Variants in MRPS28 observed in about 807,000 individuals in gnomAD.
The protein encoded by MRPS28 is mitochondrial ribosomal protein S28.
Under a neutral mutation model 10.8 loss-of-function variants are expected in MRPS28, and 7 were observed. The ratio of observed to expected loss-of-function variants is 0.65; its 90% CI spans 0.37 to 1.22. The LOEUF is 1.22. Ranked by LOEUF, MRPS28 falls within the 50% of genes most tolerant of loss-of-function variation. MRPS28 has a pLI of 0.02. For missense variants in MRPS28, 265 were observed against 232.9 expected (o/e 1.14, Z -0.90); for synonymous variants, 121 against 93.3 (o/e 1.30, Z -1.71).
chr8:80,025,983 T>C (rs2130254819), intron 1 of MRPS28, among the ~76,000 whole-genome samples: 2 of 152,296 alleles, frequency 1.3e-5, no homozygotes, highest in African/African-American at 4.8e-5. Context: ...CAGCTATGCA[T>C]AAAAAACACA....
At chr8:79,967,025 C>A (rs894331634) in intron 2 of MRPS28, among the ~76,000 whole-genome samples, 1 of 152,112 alleles carries the variant, frequency 6.6e-6, no homozygotes, top group African/African-American at 2.4e-5. Context: ...TAAAAGCAAT[C>A]TTGATTTGAG....
intron 2 of MRPS28, among the ~76,000 whole-genome samples, chr8:79,982,003 T>TG (rs200036089): frequency 0.016 from 2,391 of 152,182 alleles, 58 homozygotes; most frequent in African/African-American, 0.052. Context: ...CCCAGCACTT[T>TG]GGGGGGGCCA....
rs780247524 is a variant in MRPS28, at chr8:79,931,635, G to C, written c.396-12487C>G. Among the ~76,000 whole-genome samples, 3 of 152,236 alleles carry C rather than the reference G, an allele frequency of 2.0e-5. No homozygotes were observed. The South Asian group carries it at 6.2e-4, about 32-fold the overall frequency. On this transcript the variant is annotated intron_variant, in intron 2 of 2. Coordinates refer to ENST00000276585, the MANE Select transcript of MRPS28 (RefSeq NM_014018.3). The stretch of plus-strand genomic sequence containing the variant: ...ATTGTAGGAAATAATGCATATAAAA[G>C]ACTTAGTAAATCCTCAATGAAAGTC...
intron 2 of MRPS28, among the ~76,000 whole-genome samples, chr8:79,939,326 C>T (rs906302847): frequency 1.3e-5 from 2 of 152,126 alleles, no homozygotes; most frequent in African/African-American, 4.8e-5. Flanking sequence ...ATCAATCAGC[C>T]CATTATTTAA....
At chr8:79,923,227 T>C (rs2129853630) in intron 2 of MRPS28, among the ~76,000 whole-genome samples, 1 of 152,328 alleles carries the variant, frequency 6.6e-6, no homozygotes, top group Admixed American at 6.5e-5. Context: ...AGAAAAATTA[T>C]GGTACACGGA....
At chr8:80,007,465 A>G (rs1239244442) in intron 1 of MRPS28, among the ~76,000 whole-genome samples, 1 of 152,180 alleles carries the variant, frequency 6.6e-6, no homozygotes, top group East Asian at 1.9e-4. Flanking sequence ...TCAATTAGGA[A>G]AAGAGGAAGT....
At chr8:80,027,982 C>T (rs1586106427) in intron 1 of MRPS28, among the ~76,000 whole-genome samples, 1 of 152,104 alleles carries the variant, frequency 6.6e-6, no homozygotes, top group Non-Finnish European at 1.5e-5. Flanking sequence ...AACACCCCAG[C>T]CTCCTCCTGG....
intron 2 of MRPS28, among the ~76,000 whole-genome samples, chr8:79,975,776 C>G (rs1338742694): frequency 6.6e-6 from 1 of 151,964 alleles, no homozygotes; most frequent in Non-Finnish European, 1.5e-5. Context: ...GTGTATAAAT[C>G]TTTAAAGAAT....
chr8:79,947,848 G>A (rs4300048), intron 2 of MRPS28, among the ~76,000 whole-genome samples: 114,098 of 150,866 alleles, frequency 0.76, 43,315 homozygotes, highest in East Asian at 0.86. Context: ...CGTGTTAGCC[G>A]GGATGGTCTT....
intron 2 of MRPS28, chr8:79,956,825 G>A (rs1271747732): frequency 6.6e-6 from 1 of 151,862 alleles, no homozygotes; most frequent in Non-Finnish European, 1.5e-5. Context: ...TTCTTTTTTT[G>A]GCTGCATGAA....
intron 2 of MRPS28, among the ~76,000 whole-genome samples, chr8:79,929,426 G>T (rs539866283): frequency 6.6e-6 from 1 of 152,100 alleles, no homozygotes. Flanking sequence ...ATTGATAATC[G>T]GAACCTATCA....
intron 1 of MRPS28, among the ~76,000 whole-genome samples, chr8:80,021,072 G>A (rs1042172340): frequency 6.7e-6 from 1 of 150,252 alleles, no homozygotes; most frequent in Admixed American, 6.7e-5. Flanking sequence ...GCACAATCTC[G>A]ACTCACTGCA....
At position 79,958,328 on chromosome 8, in the gene MRPS28, C is replaced by T. The variant is rs536990857; in HGVS notation, c.396-39180G>A. On this transcript the variant is annotated intron_variant, in intron 2 of 2. Coordinates refer to ENST00000276585, the MANE Select transcript of MRPS28 (RefSeq NM_014018.3). Reference sequence around the variant, plus strand: ...TTCAGGGTTCATCCATGTTGTATTACAACTTCTTTATCTTTTACGATGTTT... The same window carrying T: ...TTCAGGGTTCATCCATGTTGTATTATAACTTCTTTATCTTTTACGATGTTT... The T allele has an allele frequency of 7.2e-6, 5 of 689,788 alleles. No individual in the cohort carries two copies. The Admixed American group carries it at 8.5e-5, about 12-fold the overall frequency. 42.7% of individuals were successfully genotyped at this position (689,788 alleles called of 1,614,324 possible). A position where few individuals can be genotyped will look rare whatever the true frequency, so the allele number is the denominator to read the frequency against.
chr8:80,005,601 A>G (rs1380632600), intron 1 of MRPS28, among the ~76,000 whole-genome samples: 1 of 152,232 alleles, frequency 6.6e-6, no homozygotes, highest in Non-Finnish European at 1.5e-5. Flanking sequence ...ACCAGCTAAC[A>G]TCATAATGAC....
At chr8:80,013,591 G>T (rs577931177) in intron 1 of MRPS28, among the ~76,000 whole-genome samples, 1 of 132,020 alleles carries the variant, frequency 7.6e-6, no homozygotes, top group African/African-American at 2.9e-5. Context: ...CTGAGACTGC[G>T]CCATTGCACT....
In MRPS28 at chr8:79,931,613, G is replaced by T. The variant is rs555486522; in HGVS notation, c.396-12465C>A. On this transcript the variant is annotated intron_variant, in intron 2 of 2. Transcript: ENST00000276585. Reference sequence around the variant, plus strand: ...ACCTCATAGGATGGCTGGGAAGATTGTAGGAAATAATGCATATAAAAGACT... The same window carrying T: ...ACCTCATAGGATGGCTGGGAAGATTTTAGGAAATAATGCATATAAAAGACT... 2.0e-4 allele frequency among the ~76,000 whole-genome samples: 31 copies of T among 152,292 alleles called. 1 individual carries two copies. The highest frequency in any genetic ancestry group is 7.0e-4 in the African/African-American group (29 of 41,558).
intron 2 of MRPS28, among the ~76,000 whole-genome samples, chr8:79,952,451 A>G (rs1807102675): frequency 6.6e-6 from 1 of 152,168 alleles, no homozygotes; most frequent in African/African-American, 2.4e-5. Context: ...ATGTTGCCTC[A>G]CTCTATTTGG....
chr8:79,937,838 G>A (rs1406992689), intron 2 of MRPS28, among the ~76,000 whole-genome samples: 1 of 151,962 alleles, frequency 6.6e-6, no homozygotes, highest in Non-Finnish European at 1.5e-5. Context: ...AGAGACACAG[G>A]GCTGTACTCT....
intron 2 of MRPS28, among the ~76,000 whole-genome samples, chr8:79,923,401 T>C (rs1218618300): frequency 1.3e-5 from 2 of 152,134 alleles, no homozygotes; most frequent in Non-Finnish European, 2.9e-5. Context: ...TATAATGTCT[T>C]TCCTATGAAG....
Sources: allele counts gnomAD v4.1 joint callset (sites outside exome capture counted in the v4.1 genomes callset), GRCh38; gene constraint gnomAD v4.1.1; transcripts MANE v1.5; gene names NCBI Gene and HGNC (gene_info 2026-07-23, HGNC 2026-07-21).